Variants in RSBN1L observed in about 807,000 individuals in gnomAD.
The protein encoded by RSBN1L is round spermatid basic protein 1 like.
Under a neutral mutation model 67.7 loss-of-function variants are expected in RSBN1L, and 30 were observed. That is an observed-to-expected ratio of 0.44 (90% CI 0.33 to 0.60). The LOEUF (loss-of-function observed/expected upper bound fraction) is 0.60. Among genes scored for constraint, RSBN1L ranks in the 20% least tolerant of loss-of-function variants. RSBN1L has a pLI of 0.02. For synonymous variants in RSBN1L, 433 were observed against 387.0 expected (o/e 1.12, Z -1.39); for missense variants, 992 against 1,031.7 (o/e 0.96, Z 0.53).
intron 2 of RSBN1L, among the ~76,000 whole-genome samples, chr7:77,737,895 A>G (rs1426813266): frequency 6.6e-6 from 1 of 152,020 alleles, no homozygotes; most frequent in African/African-American, 2.4e-5. Context: ...GATGGTGGAC[A>G]TCTGTAATCC....
At chr7:77,712,552 T>G (rs1584276706) in intron 1 of RSBN1L, among the ~76,000 whole-genome samples, 1 of 152,218 alleles carries the variant, frequency 6.6e-6, no homozygotes. Context: ...GTCCTGAGAT[T>G]ACAGGCGTGA....
At chr7:77,736,052 G>T (rs1791332372) in intron 1 of RSBN1L, among the ~76,000 whole-genome samples, 1 of 152,050 alleles carries the variant, frequency 6.6e-6, no homozygotes, top group African/African-American at 2.4e-5. Context: ...CTGTTATGCT[G>T]CTAATCCATA....
intron 1 of RSBN1L, among the ~76,000 whole-genome samples, chr7:77,732,614 G>T (rs923615852): frequency 6.6e-6 from 1 of 152,116 alleles, no homozygotes; most frequent in African/African-American, 2.4e-5. Flanking sequence ...GATTACAGGC[G>T]TGAGCCACCA....
intron 1 of RSBN1L, among the ~76,000 whole-genome samples, chr7:77,728,185 A>G (rs928989801): frequency 5.3e-5 from 8 of 152,096 alleles, no homozygotes; most frequent in Non-Finnish European, 7.3e-5. Context: ...ACTACTCCCT[A>G]GTTTACTTGA....
intron 1 of RSBN1L, among the ~76,000 whole-genome samples, chr7:77,723,351 A>G (rs1050820775): frequency 2.0e-5 from 3 of 152,162 alleles, no homozygotes; most frequent in African/African-American, 7.2e-5. Flanking sequence ...AGAATTTCCT[A>G]TACATCAAAA....
intron 1 of RSBN1L, among the ~76,000 whole-genome samples, chr7:77,729,542 A>G (rs562555454): frequency 1.3e-5 from 2 of 152,352 alleles, no homozygotes; most frequent in Non-Finnish European, 2.9e-5. Context: ...AAATCCATAC[A>G]TGCTTAATAG....
chr7:77,707,975 G>A (rs1055520529), intron 1 of RSBN1L, among the ~76,000 whole-genome samples: 1 of 152,176 alleles, frequency 6.6e-6, no homozygotes, highest in African/African-American at 2.4e-5. Flanking sequence ...CTGTATGGAA[G>A]TTCAGAAAAT....
Position 77,753,660 on chromosome 7 carries a change from A to G in RSBN1L, c.1344+3596A>G, listed in dbSNP as rs185941814. The stretch of plus-strand genomic sequence containing the variant: ...TCCATTTATGATAACTGTTTCTTAC[A>G]TTCTGTTTTAGAAATCTTTGCCTAC... On this transcript the variant is annotated intron_variant, in intron 3 of 7. Transcript: ENST00000334955. Among the ~76,000 whole-genome samples, 21 of 152,344 alleles carry G rather than the reference A, an allele frequency of 1.4e-4. No individual in the cohort carries two copies. In the East Asian group the frequency reaches 4.0e-3, roughly 29 times the overall value.
intron 3 of RSBN1L, among the ~76,000 whole-genome samples, chr7:77,752,420 C>G (rs1425339161): frequency 2.1e-5 from 3 of 142,452 alleles, no homozygotes; most frequent in Non-Finnish European, 4.6e-5. Flanking sequence ...GATCTTATTC[C>G]TGTGAGTGGG....
chr7:77,735,193 T>C (rs898994471), intron 1 of RSBN1L, among the ~76,000 whole-genome samples: 1 of 152,220 alleles, frequency 6.6e-6, no homozygotes, highest in Non-Finnish European at 1.5e-5. Context: ...TTAAGTAGTC[T>C]AGACCTGTGC....
chr7:77,771,528 G>A (rs1188743214), intron 5 of RSBN1L, among the ~76,000 whole-genome samples: 1 of 52,180 alleles, frequency 1.9e-5, no homozygotes, highest in Admixed American at 1.6e-4. Context: ...TTTTTTTTTT[G>A]AGATAGAGTC....
chr7:77,750,212 A>G (rs868163072), intron 3 of RSBN1L, 148 bp downstream of exon 3: 3 of 307,984 alleles, frequency 9.7e-6, no homozygotes. Flanking sequence ...TACTTTCTTG[A>G]TGTGAGCATC....
intron 1 of RSBN1L, among the ~76,000 whole-genome samples, chr7:77,710,882 G>T (rs375261071): frequency 6.6e-6 from 1 of 152,036 alleles, no homozygotes; most frequent in Admixed American, 6.6e-5. Context: ...TTAAGCCACC[G>T]TGCCCAGCCT....
At chr7:77,725,746 A>ATTATTTGTAT (rs1289160815) in intron 1 of RSBN1L, among the ~76,000 whole-genome samples, 5 of 151,848 alleles carry the variant, frequency 3.3e-5, no homozygotes, top group African/African-American at 9.7e-5. Flanking sequence ...ATGCGCCACC[A>ATTATTTGTAT]TGCCCGGCTT....
At chr7:77,772,816 A>G (rs1194893586) in intron 5 of RSBN1L, among the ~76,000 whole-genome samples, 5 of 152,216 alleles carry the variant, frequency 3.3e-5, no homozygotes, top group Admixed American at 2.0e-4. Flanking sequence ...TCAGATATAT[A>G]TCTATCTTGT....
intron 1 of RSBN1L, among the ~76,000 whole-genome samples, chr7:77,714,094 C>T (rs1186331480): frequency 6.6e-6 from 1 of 152,164 alleles, no homozygotes; most frequent in African/African-American, 2.4e-5. Context: ...CACTTTTTTA[C>T]ATTTACCTCT....
intron 3 of RSBN1L, among the ~76,000 whole-genome samples, chr7:77,752,500 A>ATT (rs1791568138): frequency 6.6e-6 from 1 of 152,096 alleles, no homozygotes; most frequent in Non-Finnish European, 1.5e-5. Flanking sequence ...ATGAAACTGA[A>ATT]TGGGATCCAG....
chr7:77,730,053 CCATGTT>C (rs1489556726), intron 1 of RSBN1L, among the ~76,000 whole-genome samples: 1 of 151,938 alleles, frequency 6.6e-6, no homozygotes, highest in African/African-American at 2.4e-5. Flanking sequence ...TGTGTTTAGC[CCATGTT>C]CATTTTTCCA....
intron 1 of RSBN1L, among the ~76,000 whole-genome samples, chr7:77,714,995 G>C (rs1485531828): frequency 6.6e-6 from 1 of 151,170 alleles, no homozygotes; most frequent in African/African-American, 2.4e-5. Context: ...TAGTGGGCTG[G>C]ATGTGGTGAC....
Sources: allele counts gnomAD v4.1 joint callset (sites outside exome capture counted in the v4.1 genomes callset), GRCh38; gene constraint gnomAD v4.1.1; transcripts MANE v1.5; gene names NCBI Gene and HGNC (gene_info 2026-07-23, HGNC 2026-07-21).